Variants in JAZF1 observed in about 807,000 individuals in gnomAD.
JAZF1 encodes the protein juxtaposed with another zinc finger protein 1.
JAZF1 carries 8 observed loss-of-function variants against 26.4 expected under a neutral mutation model. The ratio of observed to expected loss-of-function variants is 0.30; its 90% CI spans 0.18 to 0.55. JAZF1 has a LOEUF of 0.55. Among genes scored for constraint, JAZF1 ranks in the 20% least tolerant of loss-of-function variants. The pLI, the probability that JAZF1 is intolerant of heterozygous loss-of-function variation, is 0.94. For missense variants in JAZF1, 199 were observed against 322.0 expected, an observed-to-expected ratio of 0.62 and a Z score of 2.92; for synonymous variants, 126 against 122.3, an observed-to-expected ratio of 1.03 and a Z score of -0.20.
At chr7:27,926,937 AGG>A (rs1236790023) in intron 2 of JAZF1, among the ~76,000 whole-genome samples, 70 of 152,296 alleles carry the variant, frequency 4.6e-4, no homozygotes, top group Admixed American at 2.4e-3. Flanking sequence ...CCTCTTCTTT[AGG>A]GGATTAGACC....
At chr7:28,122,417 C>A (rs1782619628) in intron 1 of JAZF1, among the ~76,000 whole-genome samples, 2 of 152,162 alleles carry the variant, frequency 1.3e-5, no homozygotes, top group South Asian at 4.1e-4. Context: ...GCCACCATGA[C>A]CCAGGTCAGC....
intron 2 of JAZF1, among the ~76,000 whole-genome samples, chr7:27,941,730 C>T (rs542313086): frequency 8.5e-5 from 13 of 152,272 alleles, no homozygotes; most frequent in African/African-American, 3.1e-4. Context: ...ACCCTCACCA[C>T]CATACAATTA....
chr7:27,838,097 T>G (rs928808488), intron 4 of JAZF1, among the ~76,000 whole-genome samples: 1 of 152,012 alleles, frequency 6.6e-6, no homozygotes, highest in Non-Finnish European at 1.5e-5. Context: ...AAAAATGTAC[T>G]TAACTGTTCT....
At chr7:27,928,117 A>G (rs1169649616) in intron 2 of JAZF1, among the ~76,000 whole-genome samples, 1 of 152,226 alleles carries the variant, frequency 6.6e-6, no homozygotes, top group Non-Finnish European at 1.5e-5. Context: ...TATACTTAAA[A>G]TGCTCAGATT....
chr7:28,094,430 A>G (rs1784349844), intron 1 of JAZF1, among the ~76,000 whole-genome samples: 2 of 152,170 alleles, frequency 1.3e-5, no homozygotes, highest in Non-Finnish European at 2.9e-5. Context: ...CCGAGTCTCC[A>G]GGGCTGCTCG....
intron 1 of JAZF1, among the ~76,000 whole-genome samples, chr7:28,047,735 C>A (rs551720247): frequency 2.0e-5 from 3 of 152,232 alleles, no homozygotes; most frequent in Admixed American, 1.3e-4. Context: ...GGATTCTGGC[C>A]TTTTATGCCG....
chr7:28,020,818 C>T (rs1341435433), intron 1 of JAZF1: 2 of 394,600 alleles, frequency 5.1e-6, no homozygotes, highest in South Asian at 1.9e-5. Context: ...TACCAAAACT[C>T]ACTGGTTGTT....
In JAZF1 at chr7:28,159,633, G is replaced by A. The variant is rs926550464; in HGVS notation, c.115+20830C>T. ...GATCACTCTTGCCGCTGTGGAGGAC[G>A]AGCTCTAGGGTGGTGGAGAAAGTAG... On this transcript the variant is annotated intron_variant, in intron 1 of 4. Coordinates refer to ENST00000283928, the MANE Select transcript of JAZF1 (RefSeq NM_175061.4). Among the ~76,000 whole-genome samples, 10 of 152,112 alleles carry A rather than the reference G, an allele frequency of 6.6e-5. No individual in the cohort carries two copies. The East Asian group carries it at 9.7e-4, about 15-fold the overall frequency.
At chr7:27,893,441 A>G (rs1562521082) in intron 3 of JAZF1, among the ~76,000 whole-genome samples, 1 of 152,034 alleles carries the variant, frequency 6.6e-6, no homozygotes, top group Non-Finnish European at 1.5e-5. Context: ...GTCCCCGCCT[A>G]CCTCCTCAGT....
Position 27,840,656 on chromosome 7 carries a change from T to C in JAZF1, c.555+42A>G, listed in dbSNP as rs372240005. The C allele has an allele frequency of 4.4e-6, 7 of 1,600,386 alleles. No homozygotes were observed. Among genetic ancestry groups the C allele is most frequent in the African/African-American group, 1.3e-5 (1 of 74,554 alleles). ...CTGCTGCCTTCCATGAAGCTTGCCC[T>C]GTTTCCATGTGGTTATGCCAAGCAT... On this transcript the variant is annotated intron_variant, in intron 4 of 4. Coordinates refer to ENST00000283928, the MANE Select transcript of JAZF1 (RefSeq NM_175061.4). The surrounding 1 kb of genome is among the most constrained non-coding windows in gnomAD (Gnocchi z 5.1).
intron 1 of JAZF1, among the ~76,000 whole-genome samples, chr7:28,133,418 G>C (rs755790160): frequency 3.9e-5 from 6 of 152,132 alleles, no homozygotes; most frequent in Non-Finnish European, 8.8e-5. Context: ...CTTAGATAAA[G>C]GTCTCTAGAT....
At chr7:28,047,070 A>G (rs1583528867) in intron 1 of JAZF1, among the ~76,000 whole-genome samples, 1 of 152,112 alleles carries the variant, frequency 6.6e-6, no homozygotes, top group Admixed American at 6.5e-5. Context: ...AATTTTATAG[A>G]TTTGAAATGT....
chr7:27,934,934 A>G (rs909077042), intron 2 of JAZF1, among the ~76,000 whole-genome samples: 15 of 152,336 alleles, frequency 9.8e-5, no homozygotes, highest in Admixed American at 3.9e-4. Flanking sequence ...ATAGGAGAAC[A>G]TATTTGCAAA....
At chr7:27,861,698 C>G (rs1469778795) in intron 3 of JAZF1, among the ~76,000 whole-genome samples, 1 of 152,168 alleles carries the variant, frequency 6.6e-6, no homozygotes, top group Non-Finnish European at 1.5e-5. Flanking sequence ...GTCCTGGAAG[C>G]CATTCCCAAA....
intron 1 of JAZF1, among the ~76,000 whole-genome samples, chr7:28,024,770 A>C (rs1783065016): frequency 6.6e-6 from 1 of 152,128 alleles, no homozygotes; most frequent in Non-Finnish European, 1.5e-5. Flanking sequence ...CCATGCCCTG[A>C]GCCTGCAACT....
chr7:28,062,326 C>T (rs910057844), intron 1 of JAZF1, among the ~76,000 whole-genome samples: 1 of 152,064 alleles, frequency 6.6e-6, no homozygotes, highest in African/African-American at 2.4e-5. Context: ...TAGAGGGCGC[C>T]GCAGGGACAC....
At chr7:28,046,408 T>A (rs190312372) in intron 1 of JAZF1, among the ~76,000 whole-genome samples, 28 of 152,330 alleles carry the variant, frequency 1.8e-4, no homozygotes, top group Admixed American at 1.8e-3. Context: ...TGCATGGCAT[T>A]ACATATAATG....
intron 1 of JAZF1, among the ~76,000 whole-genome samples, chr7:28,004,708 A>C (rs1427759334): frequency 6.6e-6 from 1 of 152,058 alleles, no homozygotes; most frequent in Non-Finnish European, 1.5e-5. Flanking sequence ...GCTGGAATGC[A>C]GTGGCATGAT....
intron 1 of JAZF1, among the ~76,000 whole-genome samples, chr7:28,042,985 C>T (rs940580503): frequency 3.9e-5 from 6 of 152,126 alleles, no homozygotes; most frequent in Admixed American, 6.5e-5. Context: ...CTACTAAGTA[C>T]GTGTGCTTTG....
Sources: allele counts gnomAD v4.1 joint callset (sites outside exome capture counted in the v4.1 genomes callset), GRCh38; gene constraint gnomAD v4.1.1; non-coding constraint Gnocchi (gnomAD v3.1); transcripts MANE v1.5; gene names NCBI Gene and HGNC (gene_info 2026-07-23, HGNC 2026-07-21).